The following CNTN5 variants were observed in gnomAD, a reference collection of about 807,000 sequenced individuals.
CNTN5 encodes contactin-5.
A neutral mutation model predicts 129.1 loss-of-function variants in CNTN5; 77 were observed. The observed-to-expected ratio is 0.60, with a 90% CI of 0.50 to 0.72. CNTN5 has a LOEUF of 0.72. Ranked by LOEUF, CNTN5 falls within the 30% of genes least tolerant of loss-of-function variation. CNTN5 has a pLI of 0.00. For synonymous variants in CNTN5, 509 were observed against 465.6 expected (o/e 1.09, Z -1.20); for missense variants, 1,478 against 1,328.8 (o/e 1.11, Z -1.75).
At chr11:99,284,611 GTGTGTGTGT>G (rs1863845941) in intron 1 of CNTN5, among the ~76,000 whole-genome samples, 1 of 27,788 alleles carries the variant, frequency 3.6e-5, no homozygotes, top group Non-Finnish European at 7.5e-5. Flanking sequence ...GTGTGTGTGT[GTGTGTGTGT>G]GTGTGTGTGT....
At chr11:99,552,734 G>T (rs751432181) in intron 2 of CNTN5, among the ~76,000 whole-genome samples, 3 of 151,946 alleles carry the variant, frequency 2.0e-5, no homozygotes, top group Non-Finnish European at 4.4e-5. Flanking sequence ...AGTTAGACAG[G>T]GACCGGATTG....
At chr11:99,630,622 A>G (rs1951311036) in intron 3 of CNTN5, among the ~76,000 whole-genome samples, 1 of 152,086 alleles carries the variant, frequency 6.6e-6, no homozygotes, top group Non-Finnish European at 1.5e-5. Flanking sequence ...GTCACAATTC[A>G]GGTCTGCTTT....
chr11:99,513,278 G>A (rs1209255709), intron 2 of CNTN5, among the ~76,000 whole-genome samples: 1 of 152,164 alleles, frequency 6.6e-6, no homozygotes, highest in Non-Finnish European at 1.5e-5. Flanking sequence ...GCAGACGTTG[G>A]TTCATAGGAT....
At chr11:99,159,470 A>G (rs575713072) in intron 1 of CNTN5, among the ~76,000 whole-genome samples, 1 of 152,190 alleles carries the variant, frequency 6.6e-6, no homozygotes, top group Admixed American at 6.5e-5. Flanking sequence ...AAAATACAAA[A>G]AAGTAGCCGG....
chr11:99,354,621 C>T (rs1938516690), intron 2 of CNTN5, among the ~76,000 whole-genome samples: 1 of 152,028 alleles, frequency 6.6e-6, no homozygotes, highest in Non-Finnish European at 1.5e-5. Flanking sequence ...TGAATTTTAC[C>T]AGCATAACCT....
intron 2 of CNTN5, among the ~76,000 whole-genome samples, chr11:99,513,198 A>T (rs1946905986): frequency 6.6e-6 from 1 of 152,178 alleles, no homozygotes; most frequent in Non-Finnish European, 1.5e-5. Flanking sequence ...ATACAGAGAA[A>T]AGCCCTTACT....
At chr11:99,482,582 CT>C (rs1173655634) in intron 2 of CNTN5, among the ~76,000 whole-genome samples, 4 of 152,080 alleles carry the variant, frequency 2.6e-5, no homozygotes, top group Non-Finnish European at 5.9e-5. Flanking sequence ...ATTGCATTTA[CT>C]TTTTAAATAT....
chr11:99,962,550 T>A (rs1322037587), intron 8 of CNTN5, among the ~76,000 whole-genome samples: 1 of 151,656 alleles, frequency 6.6e-6, no homozygotes, highest in Non-Finnish European at 1.5e-5. Context: ...CTTAATCCAG[T>A]CTATCATTGT....
chr11:99,718,749 A>T (rs1315256201), intron 3 of CNTN5, among the ~76,000 whole-genome samples: 1 of 152,128 alleles, frequency 6.6e-6, no homozygotes, highest in African/African-American at 2.4e-5. Flanking sequence ...TATGTACCAA[A>T]CACTTTGCTA....
chr11:100,098,157 C>T (rs1248504354), intron 13 of CNTN5, among the ~76,000 whole-genome samples: 1 of 151,938 alleles, frequency 6.6e-6, no homozygotes, highest in South Asian at 2.1e-4. Flanking sequence ...GACTTTAAAG[C>T]TTCTGTCCAA....
At chr11:99,985,806 T>A (rs185429332) in intron 8 of CNTN5, among the ~76,000 whole-genome samples, 2 of 152,284 alleles carry the variant, frequency 1.3e-5, no homozygotes, top group Admixed American at 1.3e-4. Flanking sequence ...TCTTCCTCAT[T>A]TATTTTATTC....
At chr11:99,194,006 C>T (rs1209692357) in intron 1 of CNTN5, among the ~76,000 whole-genome samples, 5 of 151,938 alleles carry the variant, frequency 3.3e-5, no homozygotes, top group East Asian at 3.9e-4. Context: ...GAATCAATAA[C>T]GTAATAAAAA....
intron 3 of CNTN5, among the ~76,000 whole-genome samples, chr11:99,747,765 CCCGG>C (rs539764776): frequency 3.1e-4 from 47 of 152,318 alleles, no homozygotes; most frequent in African/African-American, 1.1e-3. Context: ...AGCCACGGCA[CCCGG>C]CCGGCCAGCA....
intron 3 of CNTN5, among the ~76,000 whole-genome samples, chr11:99,803,656 C>G (rs1424248409): frequency 6.6e-6 from 1 of 152,196 alleles, no homozygotes; most frequent in Non-Finnish European, 1.5e-5. Flanking sequence ...CGTAAATTAG[C>G]TCTCTAAGTT....
intron 9 of CNTN5, 30 bp from the exon 10 acceptor site, chr11:100,061,182 T>C (rs1213257790): frequency 6.4e-6 from 10 of 1,561,616 alleles, no homozygotes; most frequent in Non-Finnish European, 7.9e-6. Context: ...GTGGAGAGTG[T>C]ATTAACAGTA....
intron 1 of CNTN5, among the ~76,000 whole-genome samples, chr11:99,289,539 T>A (rs904294288): frequency 2.6e-5 from 4 of 151,726 alleles, no homozygotes; most frequent in Non-Finnish European, 5.9e-5. Context: ...TTTTCCTTTC[T>A]TATTGTCTCT....
intron 3 of CNTN5, among the ~76,000 whole-genome samples, chr11:99,802,391 C>T (rs1946141422): frequency 6.6e-6 from 1 of 152,142 alleles, no homozygotes; most frequent in South Asian, 2.1e-4. Flanking sequence ...CTTGTCCAAA[C>T]CAGGAAGGCT....
At chr11:99,551,534 G>A (rs1407338448) in intron 2 of CNTN5, among the ~76,000 whole-genome samples, 29 of 152,170 alleles carry the variant, frequency 1.9e-4, no homozygotes, top group Admixed American at 1.8e-3. Flanking sequence ...TCTAATAAAT[G>A]GTAGTTGTTA....
At chr11:99,916,305 T>C (rs553558632) in intron 7 of CNTN5, among the ~76,000 whole-genome samples, 156 bp downstream of exon 7, 13 of 152,272 alleles carry the variant, frequency 8.5e-5, no homozygotes, top group Non-Finnish European at 1.3e-4. Context: ...CAAGATCACG[T>C]ACTCTAAATA....
Sources: allele counts gnomAD v4.1 joint callset (sites outside exome capture counted in the v4.1 genomes callset), GRCh38; gene constraint gnomAD v4.1.1; transcripts MANE v1.5; gene names NCBI Gene and HGNC (gene_info 2026-07-23, HGNC 2026-07-21).